The following PWWP3A variants were observed in gnomAD, a reference collection of about 807,000 sequenced individuals.
PWWP3A encodes PWWP domain containing 3A, DNA repair factor.
A neutral mutation model predicts 79.0 loss-of-function variants in PWWP3A; 53 were observed. The ratio of observed to expected loss-of-function variants is 0.67; its 90% CI spans 0.54 to 0.84. The LOEUF (loss-of-function observed/expected upper bound fraction) is 0.84. Ranked by LOEUF, PWWP3A falls within the 40% of genes least tolerant of loss-of-function variation. The pLI, the probability that PWWP3A is intolerant of heterozygous loss-of-function variation, is 0.00. For missense variants in PWWP3A, 973 were observed against 948.0 expected, an observed-to-expected ratio of 1.03 and a Z score of -0.35; for synonymous variants, 443 against 394.4, an observed-to-expected ratio of 1.12 and a Z score of -1.46.
At chr19:1,374,393 C>T (rs890978894) in intron 13 of PWWP3A, 1 of 152,228 alleles carries the variant, frequency 6.6e-6, no homozygotes, top group Non-Finnish European at 1.5e-5. Flanking sequence ...CGCACTTGAT[C>T]TTTGGCCTCA....
intron 6 of PWWP3A, among the ~76,000 whole-genome samples, chr19:1,363,363 A>G (rs769121815): frequency 2.0e-5 from 3 of 152,172 alleles, no homozygotes; most frequent in Admixed American, 6.5e-5. Context: ...TGGGGTGAGC[A>G]GTCACCACTC....
intron 1 of PWWP3A, 118 bp from the exon 2 acceptor site, chr19:1,356,206 G>C: frequency 1.8e-6 from 1 of 549,796 alleles, no homozygotes. Flanking sequence ...ATGCAAGATT[G>C]TGGAATTAAA....
chr19:1,376,594 C>T lies in PWWP3A; in HGVS notation c.*18C>T. ...GTCGGTGAGGGAGCAGCCGGCTGTG[C>T]TGTCAGCGGGGCCTGGCGGTGGAAG... On this transcript the variant is annotated 3_prime_UTR_variant, in exon 14 of 14. Coordinates refer to ENST00000591337, the MANE Select transcript of PWWP3A (RefSeq NM_001369789.1). The T allele has an allele frequency of 6.2e-7, 1 of 1,613,022 alleles. No individual in the cohort carries two copies. The highest frequency in any genetic ancestry group is 8.5e-7 in the Non-Finnish European group (1 of 1,179,606).
chr19:1,373,656 G>A (rs1454587455), intron 13 of PWWP3A: 5 of 156,312 alleles, frequency 3.2e-5, no homozygotes, highest in African/African-American at 1.2e-4. Flanking sequence ...CATGCGGCCA[G>A]GCCTTGCTGG....
At chr19:1,366,197 G>C in intron 7 of PWWP3A, 108 bp from the exon 8 acceptor site, 1 of 191,792 alleles carries the variant, frequency 5.2e-6, no homozygotes, top group South Asian at 8.5e-5. Context: ...GTCACCCCCA[G>C]AGCTGGGGTC....
At chr19:1,363,497 G>A (rs113771672) in intron 6 of PWWP3A, among the ~76,000 whole-genome samples, 245 of 152,334 alleles carry the variant, frequency 1.6e-3, no homozygotes, top group African/African-American at 5.6e-3. Flanking sequence ...CACACGAAGA[G>A]CACAGTGCCC....
chr19:1,362,498 C>T, intron 6 of PWWP3A, 147 bp downstream of exon 6: 1 of 630,438 alleles, frequency 1.6e-6, no homozygotes, highest in Non-Finnish European at 2.8e-6. Context: ...TGGAAGGGAC[C>T]TTCAGAAGTG....
In PWWP3A at chr19:1,369,363, G is replaced by T; in HGVS notation, c.1498+23G>T. 1.9e-6 allele frequency: 3 copies of T among 1,610,970 alleles called. No individual in the cohort carries two copies. In the African/African-American group the frequency reaches 4.0e-5, roughly 21 times the overall value. On this transcript the variant is annotated intron_variant, in intron 10 of 13. Transcript: ENST00000591337. The surrounding 1 kb of genome is among the most constrained non-coding windows in gnomAD (Gnocchi z 4.0). ...TAGGTACGTGGGGTGCTGGGGAGGG[G>T]TGGAGCTGGGCAGCAGGCGTCCAGC...
intron 6 of PWWP3A, among the ~76,000 whole-genome samples, chr19:1,363,932 G>A (rs2082074108): frequency 6.6e-6 from 1 of 152,180 alleles, no homozygotes; most frequent in Non-Finnish European, 1.5e-5. Flanking sequence ...ACTGTTTCCA[G>A]TAGTTTTTCT....
Position 1,360,499 on chromosome 19 carries a change from C to T in PWWP3A, c.578C>T (p.Pro193Leu), listed in dbSNP as rs765984610. 1.9e-6 allele frequency: 3 copies of T among 1,614,216 alleles called. No individual in the cohort carries two copies. Residue 193 changes from proline (P) to leucine (L), a missense_variant, in exon 5 of 14, where the codon CCA (proline) becomes CTA (leucine). Transcript: ENST00000591337. This position sits in a 1 kb window ranked among gnomAD's most constrained non-coding sequence, Gnocchi z 4.4. Reference sequence around the variant, plus strand: ...AACCCAAGAGGCCCGTTGGTCCTCCCAGCTGGAGGTGGTGCCCAAGATGAG... The same window carrying T: ...AACCCAAGAGGCCCGTTGGTCCTCCTAGCTGGAGGTGGTGCCCAAGATGAG... ...SENPRGPLVLPAGGGAQDESG... is the reference protein window; with the variant it reads ...SENPRGPLVLLAGGGAQDESG...
intron 12 of PWWP3A, 46 bp from the exon 13 acceptor site, chr19:1,373,026 C>T: frequency 3.2e-6 from 5 of 1,578,516 alleles, no homozygotes; most frequent in Non-Finnish European, 4.3e-6. Context: ...CACTTGGGGC[C>T]AGTTGGGCAG....
chr19:1,375,802 A>T lies in PWWP3A; in HGVS notation c.2076-717A>T, dbSNP rs1241493866. Reference sequence around the variant, plus strand: ...TAGACATACACACACACACATATGTATTTATTTATTTTTTTTTTTTTGAGA... The same window carrying T: ...TAGACATACACACACACACATATGTTTTTATTTATTTTTTTTTTTTTGAGA... On this transcript the variant is annotated intron_variant, in intron 13 of 13. Coordinates refer to ENST00000591337, the MANE Select transcript of PWWP3A (RefSeq NM_001369789.1). Among the ~76,000 whole-genome samples, 5 of 80,670 alleles carry T rather than the reference A, an allele frequency of 6.2e-5. No homozygotes were observed. The East Asian group carries it at 1.0e-3, about 17-fold the overall frequency. 52.9% of individuals were successfully genotyped at this position (80,670 alleles called of 152,430 possible). A position where few individuals can be genotyped will look rare whatever the true frequency, so the allele number is the denominator to read the frequency against.
chr19:1,358,909 C>T, intron 4 of PWWP3A: 1 of 369,666 alleles, frequency 2.7e-6, no homozygotes, highest in South Asian at 2.0e-5. Flanking sequence ...GAGCAGAGCC[C>T]AAGGGAGAGA....
rs777502023 is a variant in PWWP3A at position 1,358,425 on chromosome 19, C to G, written c.175C>G (p.Leu59Val). 7 of 1,614,074 alleles carry G rather than the reference C, an allele frequency of 4.3e-6. No homozygotes were observed. Among genetic ancestry groups the G allele is most frequent in the Non-Finnish European group, 5.1e-6 (6 of 1,179,984 alleles). The change falls in exon 4 of 14, where the codon CTA becomes GTA. Residue 59 changes from leucine (L) to valine (V), a missense_variant. Transcript: ENST00000591337. ...IKVKSTEVEI[L>V]EKSQIEAIAS... ...GGTGAAAAGCACTGAAGTTGAGATC[C>G]TAGAGAAGTCTCAAATTGAAGCCAT...
At chr19:1,374,507 C>T (rs1410490049) in intron 13 of PWWP3A, 1 of 152,256 alleles carries the variant, frequency 6.6e-6, no homozygotes, top group Non-Finnish European at 1.5e-5. Context: ...ATGAGCCTCT[C>T]TGCACTCTTC....
At position 1,370,798 on chromosome 19, in the gene PWWP3A, A is replaced by T; in HGVS notation, c.1706A>T (p.Asp569Val). 1 of 1,559,914 alleles carries T rather than the reference A, an allele frequency of 6.4e-7. No homozygotes were observed. ...CCCGACCGCTCGCGGGCCGCCCGGG[A>T]CCGGGCCAACCAGAAGCTGGTGGAG... The part of the protein sequence containing the change: ...MLPDRSRAAR[D>V]RANQKLVEYI... Residue 569 changes from aspartate (D) to valine (V), a missense_variant, in exon 12 of 14, where the codon GAC (aspartate) becomes GTC (valine). Asp to Val is a radical substitution (Grantham distance 152). Coordinates refer to ENST00000591337, the MANE Select transcript of PWWP3A (RefSeq NM_001369789.1).
Position 1,366,389 on chromosome 19 carries a change from G to A in PWWP3A, c.1361+8G>A, listed in dbSNP as rs761480366. On this transcript the variant is annotated splice_region_variant and intron_variant, in intron 8 of 13. Coordinates refer to ENST00000591337, the MANE Select transcript of PWWP3A (RefSeq NM_001369789.1). ...GAACCCGAAAATGAAAGGGTAACCC[G>A]CTGTTCTTGGTTTCTGTGAATGGGC... 7.4e-6 allele frequency: 12 copies of A among 1,613,522 alleles called. No homozygotes were observed. The highest frequency in any genetic ancestry group is 1.3e-5 in the African/African-American group (1 of 74,922).
chr19:1,367,015 T>C (rs2668420), intron 8 of PWWP3A, 145 bp from the exon 9 acceptor site: 290,988 of 637,716 alleles, frequency 0.46, 68,230 homozygotes, highest in Middle Eastern at 0.56. Context: ...TCTTGGCAGC[T>C]GGGGAAACGG....
At position 1,368,888 on chromosome 19, in the gene PWWP3A, TCGGGTCCCCGGTGCC is replaced by T. The variant is rs2082186792; in HGVS notation, c.1423-375_1423-361del. Among the ~76,000 whole-genome samples, 8 of 146,084 alleles carry T rather than the reference TCGGGTCCCCGGTGCC, an allele frequency of 5.5e-5. No homozygotes were observed. The highest frequency in any genetic ancestry group is 1.8e-4 in the African/African-American group (7 of 38,062). ...CCTGCGTTCAGACCAGCCCAAGCCA[TCGGGTCCCCGGTGCC>T]CACCTGCGTTCAGACCAGCCCAAGC... On this transcript the variant is annotated intron_variant, in intron 9 of 13. Coordinates refer to ENST00000591337, the MANE Select transcript of PWWP3A (RefSeq NM_001369789.1). This position sits in a 1 kb window ranked among gnomAD's most constrained non-coding sequence, Gnocchi z 4.7.
Sources: allele counts gnomAD v4.1 joint callset (sites outside exome capture counted in the v4.1 genomes callset), GRCh38; gene constraint gnomAD v4.1.1; non-coding constraint Gnocchi (gnomAD v3.1); transcripts MANE v1.5; gene names NCBI Gene and HGNC (gene_info 2026-07-23, HGNC 2026-07-21).